UGT2B15: variants seen among roughly 807,000 people sequenced by gnomAD.
UGT2B15 encodes the protein UDP-glucuronosyltransferase 2B15.
In UGT2B15, 36 loss-of-function variants were observed where a neutral mutation model predicts 45.9. The ratio of observed to expected loss-of-function variants is 0.78; its 90% CI spans 0.60 to 1.04. The LOEUF (loss-of-function observed/expected upper bound fraction) is 1.04, where lower values mean the gene tolerates loss of function less well. UGT2B15 is among the 50% of genes least tolerant of loss of function. The pLI is 0.00. For missense variants in UGT2B15, 617 were observed against 622.4 expected, an observed-to-expected ratio of 0.99 and a Z score of 0.09; for synonymous variants, 219 against 216.4, an observed-to-expected ratio of 1.01 and a Z score of -0.11.
chr4:68,664,463 A>G (rs1282581030), intron 2 of UGT2B15, among the ~76,000 whole-genome samples: 5 of 152,090 alleles, frequency 3.3e-5, no homozygotes, highest in Non-Finnish European at 5.9e-5. Context: ...ATTGGGGGAA[A>G]TTTCTTTATA....
At chr4:68,665,637 A>G (rs1349414589) in intron 2 of UGT2B15, among the ~76,000 whole-genome samples, 1 of 152,208 alleles carries the variant, frequency 6.6e-6, no homozygotes, top group African/African-American at 2.4e-5. Context: ...ATATACAAAC[A>G]TTATCTGAGA....
intron 1 of UGT2B15, 51 bp from the exon 2 acceptor site, chr4:68,668,239 T>C: frequency 1.2e-6 from 2 of 1,606,518 alleles, no homozygotes; most frequent in Non-Finnish European, 1.7e-6. Flanking sequence ...CGAGAATTGT[T>C]ATTTGAATAT....
intron 1 of UGT2B15, 97 bp from the exon 2 acceptor site, chr4:68,668,285 C>G: frequency 6.5e-7 from 1 of 1,540,934 alleles, no homozygotes. Context: ...GAATAACATA[C>G]CCAAACATAT....
At chr4:68,654,464 C>CAA (rs34449264) in intron 4 of UGT2B15, among the ~76,000 whole-genome samples, 11 of 150,186 alleles carry the variant, frequency 7.3e-5, no homozygotes, top group Admixed American at 3.3e-4. Flanking sequence ...TTAAAATGTG[C>CAA]AAAAAAAAGA....
Position 68,647,157 on chromosome 4 carries a change from G to C in UGT2B15, c.1540C>G (p.Leu514Val), listed in dbSNP as rs755370891. 4.3e-6 allele frequency: 7 copies of C among 1,613,524 alleles called. No homozygotes were observed. Among genetic ancestry groups the C allele is most frequent in the South Asian group, 3.3e-5 (3 of 91,034 alleles). ...TVIFIITKFC[L>V]FCFRKLAKKG... ...TTGGCAAGCTTTCGGAAACAAAACA[G>C]GCAAAATTTTGTGATGATAAATATC... The change falls in exon 6 of 6, where the codon CTG becomes GTG. Residue 514 changes from leucine (L) to valine (V), a missense_variant. Coordinates refer to ENST00000338206, the MANE Select transcript of UGT2B15 (RefSeq NM_001076.4).
At chr4:68,665,683 G>A (rs760638156) in intron 2 of UGT2B15, among the ~76,000 whole-genome samples, 5 of 152,174 alleles carry the variant, frequency 3.3e-5, no homozygotes, top group East Asian at 1.9e-4. Flanking sequence ...CAAATTTGTC[G>A]CAACAATTAT....
chr4:68,654,190 T>C lies in UGT2B15; in HGVS notation c.1160A>G (p.His387Arg), dbSNP rs763846733. 1.4e-5 allele frequency: 22 copies of C among 1,613,496 alleles called. No homozygotes were observed. Among genetic ancestry groups the C allele is most frequent in the Non-Finnish European group, 1.8e-5 (21 of 1,179,696 alleles). Residue 387 changes from histidine (H) to arginine (R), a missense_variant, in exon 5 of 6, where the codon CAT becomes CGT. Transcript: ENST00000338206. ...GTNGIYEAIY[H>R]GIPMVGIPLF... ...GGGAATGCCCACCATAGGGATCCCA[T>C]GGTAGATCGCCTCATAGATGCCATT... is the stretch of plus-strand genomic sequence containing the variant.
At chr4:68,650,397 G>A (rs1482322952) in intron 5 of UGT2B15, among the ~76,000 whole-genome samples, 1 of 151,972 alleles carries the variant, frequency 6.6e-6, no homozygotes, top group Non-Finnish European at 1.5e-5. Context: ...AGAACATGTG[G>A]TGTTTGGTTT....
In UGT2B15 at chr4:68,651,614, AT is replaced by A. The variant is rs1342933288; in HGVS notation, c.1313+2422del. Among the ~76,000 whole-genome samples the A allele has an allele frequency of 3.3e-5, 5 of 152,068 alleles. 1 individual carries two copies. The South Asian group carries it at 1.0e-3, about 32-fold the overall frequency. On this transcript the variant is annotated intron_variant, in intron 5 of 5. Coordinates refer to ENST00000338206, the MANE Select transcript of UGT2B15 (RefSeq NM_001076.4). ...TATGGCTAGCCAGTTTTTCCAAAAC[AT>A]TTCTTAAATAAGGAATCCTTTCCCC...
At chr4:68,663,276 T>C (rs1733018806) in intron 2 of UGT2B15, 137 bp from the exon 3 acceptor site, 1 of 787,620 alleles carries the variant, frequency 1.3e-6, no homozygotes, top group South Asian at 1.9e-5. Flanking sequence ...AATCATTCAG[T>C]TTCTTTGAAA....
At chr4:68,665,217 A>G (rs1334124382) in intron 2 of UGT2B15, among the ~76,000 whole-genome samples, 1 of 152,108 alleles carries the variant, frequency 6.6e-6, no homozygotes, top group Non-Finnish European at 1.5e-5. Flanking sequence ...TATGGGTTTA[A>G]TTCTATTTAT....
chr4:68,659,473 G>A (rs760828529), intron 3 of UGT2B15, among the ~76,000 whole-genome samples: 1 of 151,856 alleles, frequency 6.6e-6, no homozygotes, highest in African/African-American at 2.4e-5. Flanking sequence ...GTCTTTTTGA[G>A]CTGTATTTAT....
At chr4:68,665,939 C>G (rs978644982) in intron 2 of UGT2B15, among the ~76,000 whole-genome samples, 3 of 151,960 alleles carry the variant, frequency 2.0e-5, no homozygotes, top group African/African-American at 4.8e-5. Flanking sequence ...CCCAGCTACT[C>G]GGGAGGCTGA....
At chr4:68,648,287 C>G (rs1185648524) in intron 5 of UGT2B15, among the ~76,000 whole-genome samples, 2 of 152,100 alleles carry the variant, frequency 1.3e-5, no homozygotes, top group Non-Finnish European at 2.9e-5. Flanking sequence ...TCCCCCTGTA[C>G]ACTTTCTTCT....
chr4:68,667,044 G>A (rs1733152171), intron 2 of UGT2B15, among the ~76,000 whole-genome samples: 1 of 151,846 alleles, frequency 6.6e-6, no homozygotes, highest in African/African-American at 2.4e-5. Context: ...ACCACGCCCG[G>A]CCCATCATTG....
At chr4:68,647,787 C>T (rs1197469836) in intron 5 of UGT2B15, among the ~76,000 whole-genome samples, 1 of 152,128 alleles carries the variant, frequency 6.6e-6, no homozygotes, top group East Asian at 1.9e-4. Flanking sequence ...ATGATCATGG[C>T]TCAGTTCAGC....
At chr4:68,663,745 T>C (rs1256141006) in intron 2 of UGT2B15, among the ~76,000 whole-genome samples, 1 of 151,254 alleles carries the variant, frequency 6.6e-6, no homozygotes, top group Non-Finnish European at 1.5e-5. Flanking sequence ...CTTACCCCAC[T>C]ACCCCTCACT....
chr4:68,664,814 T>G (rs886898647), intron 2 of UGT2B15, among the ~76,000 whole-genome samples: 1 of 152,134 alleles, frequency 6.6e-6, no homozygotes, highest in Admixed American at 6.5e-5. Context: ...TCCACCCGCC[T>G]CAGCCTCCCG....
At chr4:68,666,752 A>ATATATATTT (rs1553925091) in intron 2 of UGT2B15, among the ~76,000 whole-genome samples, 19 of 127,890 alleles carry the variant, frequency 1.5e-4, no homozygotes, top group African/African-American at 5.7e-4. Context: ...ATATATATAT[A>ATATATATTT]TTTTTTTTTT....
Sources: gnomAD v4.1 joint callset for allele counts (sites outside exome capture counted in the v4.1 genomes callset) on GRCh38, gnomAD v4.1.1 for gene constraint, MANE v1.5 for transcripts, NCBI Gene and HGNC (gene_info 2026-07-23, HGNC 2026-07-21) for gene names.